The following USH2A variants were observed in gnomAD, a reference collection of about 807,000 sequenced individuals.
USH2A encodes the protein usherin.
Under a neutral mutation model 538.9 loss-of-function variants are expected in USH2A, and 443 were observed. The ratio of observed to expected loss-of-function variants is 0.82; its 90% CI spans 0.76 to 0.89. USH2A has a LOEUF of 0.89. USH2A is among the 40% of genes least tolerant of loss of function. USH2A has a pLI of 0.00. For missense variants in USH2A, 6,633 were observed against 6,324.8 expected (o/e 1.05, Z -1.65); for synonymous variants, 2,413 against 2,273.5 (o/e 1.06, Z -1.75).
intron 11 of USH2A, among the ~76,000 whole-genome samples, chr1:216,283,444 A>G (rs1236841176): frequency 1.3e-5 from 2 of 152,180 alleles, no homozygotes; most frequent in Non-Finnish European, 2.9e-5. Context: ...TTCTATCTAT[A>G]AGATAATGGC....
At chr1:216,355,359 G>GAAAGAAAGAA in intron 4 of USH2A, among the ~76,000 whole-genome samples, 1 of 149,568 alleles carries the variant, frequency 6.7e-6, no homozygotes, top group Admixed American at 6.7e-5. Flanking sequence ...AAGAAAGAAA[G>GAAAGAAAGAA]AAAGAAAGAA....
intron 38 of USH2A, among the ~76,000 whole-genome samples, chr1:215,914,171 T>G (rs1416719481): frequency 2.0e-5 from 3 of 151,124 alleles, no homozygotes; most frequent in African/African-American, 7.3e-5. Context: ...CCTCCTAGGT[T>G]CGAGCGATTC....
Position 215,789,282 on chromosome 1 carries a change from T to G in USH2A, c.10182+777A>C, listed in dbSNP as rs144786129. 7.2e-5 allele frequency among the ~76,000 whole-genome samples: 11 copies of G among 152,278 alleles called. 1 individual carries two copies. The East Asian group carries it at 2.1e-3, about 29-fold the overall frequency. ...TCATGAGTTATTTTACATCCCAAAG[T>G]GTACAAAGTGTATGTGGTCTACACA... On this transcript the variant is annotated intron_variant, in intron 51 of 71. Transcript: ENST00000307340.
chr1:215,958,018 A>G (rs1667111908), intron 37 of USH2A, among the ~76,000 whole-genome samples: 1 of 152,138 alleles, frequency 6.6e-6, no homozygotes, highest in Non-Finnish European at 1.5e-5. Flanking sequence ...GGGACTATAA[A>G]ACAAAGCTGT....
intron 67 of USH2A, among the ~76,000 whole-genome samples, chr1:215,641,505 C>A (rs1656684279): frequency 6.6e-6 from 1 of 152,090 alleles, no homozygotes; most frequent in South Asian, 2.1e-4. Flanking sequence ...AAAAGAAAAT[C>A]CTTAACTGGG....
intron 21 of USH2A, among the ~76,000 whole-genome samples, chr1:216,128,461 C>G (rs569041354): frequency 1.3e-4 from 20 of 152,110 alleles, no homozygotes; most frequent in Middle Eastern, 3.4e-3. Context: ...AATTATAATG[C>G]CTTTCATATG....
intron 37 of USH2A, among the ~76,000 whole-genome samples, chr1:215,945,816 T>C (rs1388609227): frequency 6.6e-6 from 1 of 152,118 alleles, no homozygotes; most frequent in Non-Finnish European, 1.5e-5. Flanking sequence ...AATATCGAGA[T>C]TGATTGTCTC....
At chr1:215,980,950 T>C (rs1277250771) in intron 35 of USH2A, among the ~76,000 whole-genome samples, 2 of 152,148 alleles carry the variant, frequency 1.3e-5, no homozygotes, top group African/African-American at 4.8e-5. Context: ...ACACAAATTT[T>C]CTAGGACAAA....
chr1:216,333,820 C>T (rs192316998), intron 4 of USH2A, among the ~76,000 whole-genome samples: 31 of 151,630 alleles, frequency 2.0e-4, no homozygotes, highest in Admixed American at 3.3e-4. Context: ...TATTTAAAGT[C>T]GTAAAAAAAA....
chr1:215,835,738 G>GA (rs900303620), intron 47 of USH2A, among the ~76,000 whole-genome samples: 8 of 152,008 alleles, frequency 5.3e-5, no homozygotes, highest in Admixed American at 3.3e-4. Context: ...GTTCTCTGTG[G>GA]AAAAAACAGT....
intron 4 of USH2A, among the ~76,000 whole-genome samples, chr1:216,342,143 T>C (rs2038088062): frequency 6.6e-6 from 1 of 151,952 alleles, no homozygotes; most frequent in African/African-American, 2.4e-5. Context: ...CTTAAACAAA[T>C]GTACAAGAAG....
chr1:216,049,624 C>G (rs2030670868), intron 30 of USH2A, among the ~76,000 whole-genome samples: 1 of 152,122 alleles, frequency 6.6e-6, no homozygotes, highest in Non-Finnish European at 1.5e-5. Flanking sequence ...TCAGAGAATA[C>G]ATTATTGCTT....
intron 44 of USH2A, among the ~76,000 whole-genome samples, chr1:215,861,456 G>T (rs993876829): frequency 6.6e-6 from 1 of 152,114 alleles, no homozygotes; most frequent in African/African-American, 2.4e-5. Flanking sequence ...TCATGTAATA[G>T]CTTCAAAGTG....
intron 22 of USH2A, among the ~76,000 whole-genome samples, chr1:216,090,194 T>C (rs1198470352): frequency 6.6e-6 from 1 of 152,032 alleles, no homozygotes; most frequent in Non-Finnish European, 1.5e-5. Context: ...ATAATTTTGC[T>C]ATGCTGTTTT....
At chr1:216,029,751 A>G (rs1027572305) in intron 32 of USH2A, among the ~76,000 whole-genome samples, 2 of 151,734 alleles carry the variant, frequency 1.3e-5, no homozygotes, top group Admixed American at 6.6e-5. Flanking sequence ...AATGAATAAG[A>G]TAGGGCACTT....
Position 216,274,401 on chromosome 1 carries a change from G to T in USH2A, c.1971+14879C>A, listed in dbSNP as rs370981543. 3.3e-5 allele frequency among the ~76,000 whole-genome samples: 5 copies of T among 152,012 alleles called. No individual in the cohort carries two copies. The East Asian group carries it at 7.7e-4, about 23-fold the overall frequency. The stretch of plus-strand genomic sequence containing the variant: ...AAAAAATCTATATCTATATTTATTT[G>T]TCTATATTTATACAGTATATTGTAC... On this transcript the variant is annotated intron_variant, in intron 11 of 71. Transcript: ENST00000307340.
At chr1:215,925,320 A>G (rs1036428721) in intron 38 of USH2A, among the ~76,000 whole-genome samples, 8 of 152,090 alleles carry the variant, frequency 5.3e-5, no homozygotes, top group African/African-American at 1.9e-4. Flanking sequence ...CACACTATTT[A>G]TTTTATTAAG....
At chr1:215,894,755 C>T (rs1665284716) in intron 40 of USH2A, among the ~76,000 whole-genome samples, 2 of 152,160 alleles carry the variant, frequency 1.3e-5, no homozygotes, top group African/African-American at 4.8e-5. Context: ...ACATTCACCT[C>T]TTGTCCCCAC....
intron 61 of USH2A, among the ~76,000 whole-genome samples, chr1:215,705,225 A>T (rs1308531785): frequency 6.6e-6 from 1 of 152,238 alleles, no homozygotes. Flanking sequence ...TGTGTATTTT[A>T]TACTTATTGA....
Sources: gnomAD v4.1 joint callset for allele counts (sites outside exome capture counted in the v4.1 genomes callset) on GRCh38, gnomAD v4.1.1 for gene constraint, MANE v1.5 for transcripts, NCBI Gene and HGNC (gene_info 2026-07-23, HGNC 2026-07-21) for gene names.